The following PIEZO2 variants were observed in gnomAD, a reference collection of about 807,000 sequenced individuals.
The protein encoded by PIEZO2 is piezo-type mechanosensitive ion channel component 2.
In PIEZO2, 172 loss-of-function variants were observed where a neutral mutation model predicts 337.3. That is an observed-to-expected ratio of 0.51 (90% CI 0.45 to 0.58). The LOEUF is 0.58. Ranked by LOEUF, PIEZO2 falls within the 20% of genes least tolerant of loss-of-function variation. PIEZO2 has a pLI of 0.00. For missense variants in PIEZO2, 3,028 were observed against 3,391.3 expected, an observed-to-expected ratio of 0.89 and a Z score of 2.66; for synonymous variants, 1,251 against 1,228.5, an observed-to-expected ratio of 1.02 and a Z score of -0.38.
Position 10,724,923 on chromosome 18 carries a change from T to G in PIEZO2, c.5029+6484A>C. Reference sequence around the variant, plus strand: ...GTGGCACCCTGGGACAGCCTCCACCTGGACGGCGATGGAACCCAGGTGGGC... The same window carrying G: ...GTGGCACCCTGGGACAGCCTCCACCGGGACGGCGATGGAACCCAGGTGGGC... On this transcript the variant is annotated intron_variant, in intron 36 of 55. Coordinates refer to ENST00000674853, the MANE Select transcript of PIEZO2 (RefSeq NM_001378183.1). This position sits in a 1 kb window ranked among gnomAD's most constrained non-coding sequence, Gnocchi z 5.8. The G allele has an allele frequency of 6.2e-7, 1 of 1,605,470 alleles. No individual in the cohort carries two copies. Among genetic ancestry groups the G allele is most frequent in the Non-Finnish European group, 8.5e-7 (1 of 1,175,374 alleles).
At position 11,003,684 on chromosome 18, in the gene PIEZO2, C is replaced by G. The variant is rs2035623860; in HGVS notation, c.161-24024G>C. ...GTCCCATCTTGGGCACACTCACATA[C>G]TAGCACACAGACTGGGACCATGTGG... On this transcript the variant is annotated intron_variant, in intron 2 of 55. Coordinates refer to ENST00000674853, the MANE Select transcript of PIEZO2 (RefSeq NM_001378183.1). This position sits in a 1 kb window ranked among gnomAD's most constrained non-coding sequence, Gnocchi z 4.6. 1.3e-5 allele frequency among the ~76,000 whole-genome samples: 2 copies of G among 152,194 alleles called. No homozygotes were observed. Among genetic ancestry groups the G allele is most frequent in the Non-Finnish European group, 2.9e-5 (2 of 68,040 alleles).
Position 10,803,958 on chromosome 18 carries a change from GGGCTTTGTC to G in PIEZO2, c.1108_1116del (p.Asp370_Ala372del). On this transcript the variant is annotated inframe_deletion, in exon 9 of 56. Coordinates refer to ENST00000674853, the MANE Select transcript of PIEZO2 (RefSeq NM_001378183.1). ...GTTATTTGGATGGGGCTACAAGCCA[GGGCTTTGTC>G]CTCTTCTTTGGTCCCCTCATCCTGC... is the stretch of plus-strand genomic sequence containing the variant. 6.5e-7 allele frequency: 1 copy of G among 1,537,356 alleles called. No homozygotes were observed. The highest frequency in any genetic ancestry group is 2.0e-5 in the Admixed American group (1 of 51,004).
At chr18:10,699,391 C>T (rs1291346765) in intron 43 of PIEZO2, among the ~76,000 whole-genome samples, 1 of 152,162 alleles carries the variant, frequency 6.6e-6, no homozygotes, top group African/African-American at 2.4e-5. Context: ...AGGTCTTTCC[C>T]ATGCTGTTCT....
At chr18:10,963,783 G>A (rs951723108) in intron 3 of PIEZO2, among the ~76,000 whole-genome samples, 2 of 152,154 alleles carry the variant, frequency 1.3e-5, no homozygotes, top group Admixed American at 6.5e-5. Context: ...GAGTATTTCC[G>A]TAGATGCTAA....
chr18:11,075,452 A>G (rs2038495501), intron 1 of PIEZO2, among the ~76,000 whole-genome samples: 1 of 152,182 alleles, frequency 6.6e-6, no homozygotes, highest in Non-Finnish European at 1.5e-5. Flanking sequence ...TTCCCCCATT[A>G]TCTACTCTGT....
chr18:10,816,057 G>A lies in PIEZO2; in HGVS notation c.918-8783C>T, dbSNP rs113026608. 8.5e-3 allele frequency among the ~76,000 whole-genome samples: 1,291 copies of A among 152,304 alleles called. 14 individuals are homozygous for A. The highest frequency in any genetic ancestry group is 0.018 in the Admixed American group (281 of 15,306). ...TATGATCAAATCCCACTAGGCAGGA[G>A]CTGGGAAGACTCCCTGCCTAGCAGA... is the stretch of plus-strand genomic sequence containing the variant. On this transcript the variant is annotated intron_variant, in intron 7 of 55. Coordinates refer to ENST00000674853, the MANE Select transcript of PIEZO2 (RefSeq NM_001378183.1).
In PIEZO2 at chr18:10,777,924, G is replaced by A. The variant is rs185310274; in HGVS notation, c.2534+2401C>T. On this transcript the variant is annotated intron_variant, in intron 18 of 55. Transcript: ENST00000674853. Reference sequence around the variant, plus strand: ...GAATTGAATATTACATCTTAATTATGTGTGTTGGTAAAATGTATACTGTTT... The same window carrying A: ...GAATTGAATATTACATCTTAATTATATGTGTTGGTAAAATGTATACTGTTT... Among the ~76,000 whole-genome samples, 193 of 152,282 alleles carry A rather than the reference G, an allele frequency of 1.3e-3. No individual in the cohort carries two copies. In the Middle Eastern group the frequency reaches 0.014, roughly 11 times the overall value.
chr18:10,962,325 A>G lies in PIEZO2; in HGVS notation c.286+17210T>C, dbSNP rs893332449. 1.2e-4 allele frequency among the ~76,000 whole-genome samples: 19 copies of G among 152,098 alleles called. No homozygotes were observed. Among genetic ancestry groups the G allele is most frequent in the African/African-American group, 4.6e-4 (19 of 41,486 alleles). On this transcript the variant is annotated intron_variant, in intron 3 of 55. Coordinates refer to ENST00000674853, the MANE Select transcript of PIEZO2 (RefSeq NM_001378183.1). The surrounding 1 kb of genome is among the most constrained non-coding windows in gnomAD (Gnocchi z 4.1). The stretch of plus-strand genomic sequence containing the variant: ...CGCTTGCCTGCAGCTTTTCCTGGTC[A>G]CTCACGGCCCTCCCTCGGCTCCCCA...
At chr18:10,960,193 A>C (rs1379605481) in intron 3 of PIEZO2, among the ~76,000 whole-genome samples, 1 of 152,188 alleles carries the variant, frequency 6.6e-6, no homozygotes, top group Admixed American at 6.5e-5. Flanking sequence ...AGTATGTACT[A>C]TAATTATTAA....
chr18:11,057,033 T>TA (rs1354445026), intron 2 of PIEZO2, among the ~76,000 whole-genome samples: 1 of 152,124 alleles, frequency 6.6e-6, no homozygotes, highest in Non-Finnish European at 1.5e-5. Context: ...GGTACTTAAC[T>TA]AATGACTAGC....
At chr18:10,887,617 C>T (rs112923122) in intron 4 of PIEZO2, among the ~76,000 whole-genome samples, 1 of 152,212 alleles carries the variant, frequency 6.6e-6, no homozygotes, top group African/African-American at 2.4e-5. Flanking sequence ...AGTCCATTCA[C>T]ATTTTGCCAC....
intron 3 of PIEZO2, among the ~76,000 whole-genome samples, chr18:10,934,947 A>G (rs756857537): frequency 6.6e-6 from 1 of 152,144 alleles, no homozygotes; most frequent in African/African-American, 2.4e-5. Flanking sequence ...CCGAGGCCAC[A>G]GAGAGGTTAA....
At chr18:11,121,115 T>C (rs1162906443) in intron 1 of PIEZO2, among the ~76,000 whole-genome samples, 1 of 151,930 alleles carries the variant, frequency 6.6e-6, no homozygotes, top group Non-Finnish European at 1.5e-5. Context: ...TAGCTGGGTG[T>C]GGTGATGCAC....
At chr18:10,876,359 A>C (rs1314097890) in intron 4 of PIEZO2, among the ~76,000 whole-genome samples, 1 of 152,218 alleles carries the variant, frequency 6.6e-6, no homozygotes, top group Non-Finnish European at 1.5e-5. Context: ...GTTTCTTCTA[A>C]GACTATTACA....
intron 3 of PIEZO2, among the ~76,000 whole-genome samples, chr18:10,959,264 C>T (rs1408437236): frequency 6.6e-6 from 1 of 152,134 alleles, no homozygotes; most frequent in African/African-American, 2.4e-5. Context: ...GTATACTTCC[C>T]TGCAGCTGAG....
intron 52 of PIEZO2, 150 bp from the exon 53 acceptor site, chr18:10,678,025 C>T (rs528403541): frequency 4.1e-6 from 3 of 732,472 alleles, no homozygotes; most frequent in Non-Finnish European, 6.3e-6. Context: ...GTCTACTTCA[C>T]CTCAATGCTC....
chr18:10,768,297 G>A (rs2038450849), intron 21 of PIEZO2, among the ~76,000 whole-genome samples: 1 of 152,156 alleles, frequency 6.6e-6, no homozygotes, highest in Admixed American at 6.5e-5. Context: ...CTGTGTTCAG[G>A]GACACGGAGG....
rs2035830551 is a variant in PIEZO2 at position 11,009,693 on chromosome 18, T to C, written c.161-30033A>G. ...CATATGCTAAGTTCATATGTCAAAG[T>C]CCTAACACCCAGTACCTCTGAATGT... On this transcript the variant is annotated intron_variant, in intron 2 of 55. Coordinates refer to ENST00000674853, the MANE Select transcript of PIEZO2 (RefSeq NM_001378183.1). This position sits in a 1 kb window ranked among gnomAD's most constrained non-coding sequence, Gnocchi z 4.6. 6.6e-6 allele frequency among the ~76,000 whole-genome samples: 1 copy of C among 152,180 alleles called. No homozygotes were observed. The highest frequency in any genetic ancestry group is 1.5e-5 in the Non-Finnish European group (1 of 68,030).
At chr18:10,912,672 C>G (rs1190950887) in intron 3 of PIEZO2, among the ~76,000 whole-genome samples, 1 of 152,174 alleles carries the variant, frequency 6.6e-6, no homozygotes, top group Non-Finnish European at 1.5e-5. Context: ...CTAAGTGTCT[C>G]CTAGACATTA....
Sources: allele counts gnomAD v4.1 joint callset (sites outside exome capture counted in the v4.1 genomes callset), GRCh38; gene constraint gnomAD v4.1.1; non-coding constraint Gnocchi (gnomAD v3.1); transcripts MANE v1.5; gene names NCBI Gene and HGNC (gene_info 2026-07-23, HGNC 2026-07-21).